PTPRB: variants seen among roughly 807,000 people sequenced by gnomAD.
PTPRB encodes protein tyrosine phosphatase receptor type B.
PTPRB carries 97 observed loss-of-function variants against 238.1 expected under a neutral mutation model. That is an observed-to-expected ratio of 0.41 (90% CI 0.35 to 0.48). PTPRB has a LOEUF of 0.48. Ranked by LOEUF, PTPRB falls within the 20% of genes least tolerant of loss-of-function variation. The probability of loss-of-function intolerance (pLI) is 0.30; values close to 1 mark genes in which losing one functional copy is unlikely to be tolerated. For missense variants in PTPRB, 2,292 were observed against 2,681.9 expected (o/e 0.85, Z 3.21); for synonymous variants, 970 against 995.4 (o/e 0.97, Z 0.48).
chr12:70,631,082 A>G (rs965302134), intron 2 of PTPRB, among the ~76,000 whole-genome samples: 17 of 152,208 alleles, frequency 1.1e-4, no homozygotes, highest in African/African-American at 4.1e-4. Context: ...AAACTACTTT[A>G]AAGTTCATAT....
chr12:70,598,943 C>T (rs190779118), intron 4 of PTPRB, among the ~76,000 whole-genome samples: 5 of 152,194 alleles, frequency 3.3e-5, no homozygotes, highest in East Asian at 1.9e-4. Flanking sequence ...TTTGTACATC[C>T]GCTAGAACAA....
At chr12:70,635,288 T>C in intron 2 of PTPRB, among the ~76,000 whole-genome samples, 1 of 152,226 alleles carries the variant, frequency 6.6e-6, no homozygotes, top group East Asian at 1.9e-4. Context: ...TAAAATCTAA[T>C]AATTTTCCGA....
chr12:70,540,597 A>G (rs140182506), intron 23 of PTPRB: 1 of 395,308 alleles, frequency 2.5e-6, no homozygotes, highest in East Asian at 4.7e-5. Context: ...TCCTGTGCAA[A>G]AGGAGTCACT....
Position 70,622,379 on chromosome 12 carries a change from C to A in PTPRB, c.708+11G>T, listed in dbSNP as rs756037573. The A allele has an allele frequency of 1.2e-5, 20 of 1,610,768 alleles. No individual in the cohort carries two copies. The highest frequency in any genetic ancestry group is 2.2e-5 in the East Asian group (1 of 44,852). ...TGCACAGACCACACTCCACACACCCCCTCCTTTTACCTCTTCAGTGGTGCT... is the reference window on the plus strand; with the variant it reads ...TGCACAGACCACACTCCACACACCCACTCCTTTTACCTCTTCAGTGGTGCT... On this transcript the variant is annotated intron_variant, in intron 3 of 33. Transcript: ENST00000334414.
intron 22 of PTPRB, among the ~76,000 whole-genome samples, chr12:70,544,157 T>C (rs1396975858): frequency 6.6e-6 from 1 of 152,236 alleles, no homozygotes; most frequent in Non-Finnish European, 1.5e-5. Flanking sequence ...ACATCATTAA[T>C]ACTTTGGTGT....
Position 70,550,608 on chromosome 12 carries a change from A to T in PTPRB, c.5387+2169T>A, listed in dbSNP as rs538915970. Reference sequence around the variant, plus strand: ...TGAAATGCTGCTTACACAGTTAAAAAGTGGCAGAGCTGGAACTCAAATGCA... The same window carrying T: ...TGAAATGCTGCTTACACAGTTAAAATGTGGCAGAGCTGGAACTCAAATGCA... On this transcript the variant is annotated intron_variant, in intron 21 of 33. Transcript: ENST00000334414. Among the ~76,000 whole-genome samples, 21 of 152,358 alleles carry T rather than the reference A, an allele frequency of 1.4e-4. No homozygotes were observed. The South Asian group carries it at 4.1e-3, about 30-fold the overall frequency.
chr12:70,610,154 C>A (rs2136547112), intron 3 of PTPRB, among the ~76,000 whole-genome samples: 1 of 152,302 alleles, frequency 6.6e-6, no homozygotes, highest in South Asian at 2.1e-4. Flanking sequence ...GAACAATGCG[C>A]CGGCGAGGGA....
At chr12:70,523,504 A>C (rs1237977690) in intron 33 of PTPRB, among the ~76,000 whole-genome samples, 3 of 152,214 alleles carry the variant, frequency 2.0e-5, no homozygotes, top group Non-Finnish European at 4.4e-5. Flanking sequence ...TATTTTCCAA[A>C]GGGATTTTAC....
At chr12:70,587,926 C>A (rs906166288) in intron 8 of PTPRB, among the ~76,000 whole-genome samples, 1 of 151,324 alleles carries the variant, frequency 6.6e-6, no homozygotes, top group Non-Finnish European at 1.5e-5. Context: ...TATGGCAAAA[C>A]TCCATCTCTA....
At chr12:70,587,601 T>G (rs17108365) in intron 8 of PTPRB, among the ~76,000 whole-genome samples, 2,364 of 152,240 alleles carry the variant, frequency 0.016, 57 homozygotes, top group African/African-American at 0.054. Flanking sequence ...AAGTTCCTGT[T>G]TAAGTATTTA....
At chr12:70,599,270 T>C (rs1883280883) in intron 4 of PTPRB, among the ~76,000 whole-genome samples, 1 of 152,168 alleles carries the variant, frequency 6.6e-6, no homozygotes, top group Admixed American at 6.6e-5. Context: ...TTTTTAATGC[T>C]ACTTGAAAAT....
At chr12:70,575,093 T>C (rs987120373) in intron 11 of PTPRB, among the ~76,000 whole-genome samples, 2 of 152,164 alleles carry the variant, frequency 1.3e-5, no homozygotes, top group African/African-American at 2.4e-5. Context: ...GTCAGTGTAA[T>C]TGGGCTTCAA....
intron 32 of PTPRB, 65 bp downstream of exon 32, chr12:70,531,970 A>ATAT (rs1232959018): frequency 6.3e-7 from 1 of 1,589,092 alleles, no homozygotes; most frequent in Admixed American, 1.7e-5. Flanking sequence ...AAGGTCCTGG[A>ATAT]TATTTTTTTG....
chr12:70,594,152 A>G (rs1370995604), intron 6 of PTPRB, among the ~76,000 whole-genome samples: 3 of 152,174 alleles, frequency 2.0e-5, no homozygotes, highest in Non-Finnish European at 4.4e-5. Flanking sequence ...TGTCATAAAG[A>G]CAGCAGTTGC....
At chr12:70,550,100 G>C (rs1876658654) in intron 21 of PTPRB, among the ~76,000 whole-genome samples, 1 of 152,222 alleles carries the variant, frequency 6.6e-6, no homozygotes, top group Non-Finnish European at 1.5e-5. Context: ...TAGGATTAGA[G>C]GAATGTAGGC....
intron 3 of PTPRB, among the ~76,000 whole-genome samples, chr12:70,610,736 A>G (rs1020578666): frequency 9.9e-5 from 15 of 152,152 alleles, no homozygotes; most frequent in African/African-American, 3.6e-4. Context: ...CTAACGACAA[A>G]TATAATCACT....
chr12:70,548,473 G>T (rs1247435172), intron 21 of PTPRB, among the ~76,000 whole-genome samples: 1 of 151,880 alleles, frequency 6.6e-6, no homozygotes, highest in Non-Finnish European at 1.5e-5. Context: ...TCCATTGCTG[G>T]CTACTTGAAT....
Position 70,527,124 on chromosome 12 carries a change from C to G in PTPRB, c.6505-2533G>C, listed in dbSNP as rs570887993. ...CACATTCAGTTCCATTCAATTTCAT[C>G]AATATTTGGAGTATTAGATATTATT... On this transcript the variant is annotated intron_variant, in intron 32 of 33. Coordinates refer to ENST00000334414, the MANE Select transcript of PTPRB (RefSeq NM_001109754.4). Among the ~76,000 whole-genome samples, 50 of 152,216 alleles carry G rather than the reference C, an allele frequency of 3.3e-4. No individual in the cohort carries two copies. The South Asian group carries it at 6.9e-3, about 21-fold the overall frequency.
At chr12:70,593,120 T>G (rs1360984818) in intron 6 of PTPRB, among the ~76,000 whole-genome samples, 1 of 152,244 alleles carries the variant, frequency 6.6e-6, no homozygotes, top group African/African-American at 2.4e-5. Flanking sequence ...ATGATAAAGT[T>G]AATGAGTTGT....
Sources: gnomAD v4.1 joint callset for allele counts (sites outside exome capture counted in the v4.1 genomes callset) on GRCh38, gnomAD v4.1.1 for gene constraint, MANE v1.5 for transcripts, NCBI Gene and HGNC (gene_info 2026-07-23, HGNC 2026-07-21) for gene names.